The following PTPRN2 variants were observed in gnomAD, a reference collection of about 807,000 sequenced individuals.
PTPRN2 encodes protein tyrosine phosphatase receptor type N2.
In PTPRN2, 74 loss-of-function variants were observed where a neutral mutation model predicts 118.8. The observed-to-expected ratio is 0.62, with a 90% CI of 0.52 to 0.76. The LOEUF is 0.76. PTPRN2 is among the 30% of genes least tolerant of loss of function. The pLI is 0.00. For synonymous variants in PTPRN2, 641 were observed against 608.0 expected, an observed-to-expected ratio of 1.05 and a Z score of -0.80; for missense variants, 1,481 against 1,394.4, an observed-to-expected ratio of 1.06 and a Z score of -0.99.
intron 11 of PTPRN2, among the ~76,000 whole-genome samples, chr7:157,994,720 C>CCG (rs1804568144): frequency 1.6e-5 from 1 of 60,934 alleles, no homozygotes; most frequent in Non-Finnish European, 3.0e-5. Flanking sequence ...AAAATCAACG[C>CCG]CGTGTCCCCA....
At chr7:158,231,960 A>C (rs1306105829) in intron 3 of PTPRN2, among the ~76,000 whole-genome samples, 2 of 152,222 alleles carry the variant, frequency 1.3e-5, no homozygotes, top group African/African-American at 4.8e-5. Context: ...GGATACAATA[A>C]AAGCAATACT....
intron 2 of PTPRN2, among the ~76,000 whole-genome samples, chr7:158,378,174 G>A (rs759680955): frequency 6.6e-6 from 1 of 151,998 alleles, no homozygotes; most frequent in African/African-American, 2.4e-5. Flanking sequence ...GAACAAACCT[G>A]ACACAAAAGC....
chr7:158,518,542 G>A (rs530394756), intron 1 of PTPRN2, among the ~76,000 whole-genome samples: 57 of 152,250 alleles, frequency 3.7e-4, no homozygotes, highest in Non-Finnish European at 7.8e-4. Flanking sequence ...CTTTAAAAGA[G>A]GGTAGGACTG....
At chr7:157,733,536 T>C (rs1344855313) in intron 12 of PTPRN2, among the ~76,000 whole-genome samples, 2 of 28,270 alleles carry the variant, frequency 7.1e-5, no homozygotes, top group Admixed American at 2.9e-4. Flanking sequence ...TGCCGTCCCA[T>C]GCGCCCAGCA....
intron 12 of PTPRN2, among the ~76,000 whole-genome samples, chr7:157,762,606 A>AG (rs1449262626): frequency 1.0e-3 from 61 of 61,204 alleles, no homozygotes; most frequent in African/African-American, 3.8e-3. Context: ...GGGTGGGGGG[A>AG]GGGGGGAGGG....
At chr7:157,898,592 A>AG in intron 12 of PTPRN2, 81 bp downstream of exon 12, 1 of 1,382,830 alleles carries the variant, frequency 7.2e-7, no homozygotes, top group Non-Finnish European at 1.0e-6. Flanking sequence ...CTGCAGGTCC[A>AG]GCCTCTGTTC....
At chr7:158,127,859 T>C (rs1368680154) in intron 9 of PTPRN2, among the ~76,000 whole-genome samples, 1 of 152,186 alleles carries the variant, frequency 6.6e-6, no homozygotes, top group Non-Finnish European at 1.5e-5. Flanking sequence ...TTTAAAGTTG[T>C]CCTTGGAGGA....
intron 1 of PTPRN2, among the ~76,000 whole-genome samples, chr7:158,578,647 C>T (rs1410801461): frequency 1.3e-5 from 2 of 151,750 alleles, no homozygotes; most frequent in African/African-American, 2.4e-5. Context: ...GTCACCCAAA[C>T]GAGGAACACA....
At chr7:157,641,836 T>A (rs1804685649) in intron 14 of PTPRN2, among the ~76,000 whole-genome samples, 1 of 151,562 alleles carries the variant, frequency 6.6e-6, no homozygotes, top group African/African-American at 2.4e-5. Flanking sequence ...ACATGTGGAG[T>A]CAAGCACCAC....
intron 10 of PTPRN2, among the ~76,000 whole-genome samples, chr7:158,100,855 T>C (rs1336314359): frequency 1.3e-5 from 2 of 152,220 alleles, no homozygotes; most frequent in Non-Finnish European, 2.9e-5. Flanking sequence ...GTCTGTATAC[T>C]GCTGAAAGAA....
chr7:158,133,635 C>T (rs201612608), intron 9 of PTPRN2, 42 bp downstream of exon 9: 2 of 1,518,172 alleles, frequency 1.3e-6, no homozygotes, highest in Non-Finnish European at 1.8e-6. Context: ...TGGGACAAGC[C>T]CTCCCTCGGC....
At chr7:157,641,665 T>C (rs2150695086) in intron 14 of PTPRN2, among the ~76,000 whole-genome samples, 1 of 152,270 alleles carries the variant, frequency 6.6e-6, no homozygotes, top group Middle Eastern at 3.4e-3. Flanking sequence ...TTCCTGTCTT[T>C]CCAAGATCAC....
intron 10 of PTPRN2, among the ~76,000 whole-genome samples, chr7:158,110,425 G>A (rs773495581): frequency 2.9e-4 from 44 of 152,186 alleles, no homozygotes; most frequent in African/African-American, 5.8e-4. Flanking sequence ...CCAGGTCTCC[G>A]AAGGGCAGCG....
intron 2 of PTPRN2, among the ~76,000 whole-genome samples, chr7:158,392,616 G>T (rs938340354): frequency 1.3e-5 from 2 of 152,148 alleles, no homozygotes; most frequent in Non-Finnish European, 2.9e-5. Flanking sequence ...ACTCACCGGG[G>T]TCTGACCACA....
chr7:158,142,045 C>G (rs144270085), intron 6 of PTPRN2, among the ~76,000 whole-genome samples: 139 of 152,312 alleles, frequency 9.1e-4, no homozygotes, highest in Middle Eastern at 3.4e-3. Context: ...TCTTTACCTT[C>G]GGGTTGAAGT....
At chr7:157,943,679 C>T (rs1420141335) in intron 11 of PTPRN2, among the ~76,000 whole-genome samples, 1 of 151,820 alleles carries the variant, frequency 6.6e-6, no homozygotes, top group Non-Finnish European at 1.5e-5. Context: ...GAAGTCCTCC[C>T]CAGATGCCAA....
chr7:158,536,432 C>T (rs1019138734), intron 1 of PTPRN2, among the ~76,000 whole-genome samples: 11 of 152,076 alleles, frequency 7.2e-5, no homozygotes, highest in African/African-American at 2.4e-4. Flanking sequence ...CCAGATGGGA[C>T]TCAGGAAGAC....
chr7:158,297,244 A>G (rs1367844244), intron 3 of PTPRN2, among the ~76,000 whole-genome samples: 1 of 152,214 alleles, frequency 6.6e-6, no homozygotes, highest in Non-Finnish European at 1.5e-5. Flanking sequence ...ATTGATCATC[A>G]TTCAGAGAGA....
chr7:157,979,677 G>T (rs1802992020), intron 11 of PTPRN2, among the ~76,000 whole-genome samples: 1 of 152,216 alleles, frequency 6.6e-6, no homozygotes, highest in Non-Finnish European at 1.5e-5. Flanking sequence ...TACCTCTGGT[G>T]CTCCCGGTGG....
Sources: allele counts gnomAD v4.1 joint callset (sites outside exome capture counted in the v4.1 genomes callset), GRCh38; gene constraint gnomAD v4.1.1; transcripts MANE v1.5; gene names NCBI Gene and HGNC (gene_info 2026-07-23, HGNC 2026-07-21).